MYO15B: variants seen among roughly 807,000 people sequenced by gnomAD.
The protein encoded by MYO15B is myosin XVB pseudogene.
Under a neutral mutation model 119.3 loss-of-function variants are expected in MYO15B, and 207 were observed. The observed-to-expected ratio is 1.73, with a 90% CI of 1.55 to 1.95. The LOEUF (loss-of-function observed/expected upper bound fraction) is 1.95, where lower values mean the gene tolerates loss of function less well. Among genes scored for constraint, MYO15B ranks in the 30% most tolerant of loss-of-function variants. The pLI is 0.00. For missense variants in MYO15B, 2,264 were observed against 1,203.1 expected (o/e 1.88, Z -13.04); for synonymous variants, 966 against 498.9 (o/e 1.94, Z -12.48).
exon 19 of MYO15B, chr17:75,603,214 T>C (rs1437484834): frequency 4.3e-6 from 3 of 702,934 alleles, no homozygotes; most frequent in Non-Finnish European, 7.8e-6. Flanking sequence ...ACGTGGGACA[T>C]GTGACAGAGC....
intron 33 of MYO15B, 87 bp downstream of exon 33, chr17:75,615,129 C>T (rs867769604): frequency 3.7e-5 from 25 of 677,942 alleles, no homozygotes; most frequent in Middle Eastern, 2.3e-4. Flanking sequence ...CAGTGGCGAT[C>T]GATGCCCTGG....
chr17:75,602,905 T>C (rs1215711094), exon 17 of MYO15B: 3 of 689,250 alleles, frequency 4.4e-6, no homozygotes, highest in Non-Finnish European at 7.9e-6. Context: ...GGCCTCTCGC[T>C]TCCAGCAGGC....
Position 75,591,260 on chromosome 17 carries a change from T to C in MYO15B, c.2435+14T>C. 1.4e-6 allele frequency: 1 copy of C among 702,580 alleles called. No homozygotes were observed. 43.5% of individuals were successfully genotyped at this position (702,580 alleles called of 1,614,324 possible). On this transcript the variant is annotated intron_variant, in intron 4 of 63. Coordinates refer to ENST00000645453, the Ensembl canonical transcript of MYO15B. ...CATCCTCCTGTGGTGAGTGGTGGCC[T>C]TCCTGGGTGGCTGAACCCATGGGCC...
chr17:75,606,763 G>A (rs192708494), intron 21 of MYO15B, among the ~76,000 whole-genome samples: 36 of 151,524 alleles, frequency 2.4e-4, no homozygotes, highest in Middle Eastern at 3.4e-3. Flanking sequence ...GTGAGCCACC[G>A]TGCCCAGCTA....
intron 48 of MYO15B, 48 bp from the exon 49 acceptor site, chr17:75,620,418 CG>C: frequency 2.8e-6 from 2 of 702,544 alleles, no homozygotes; most frequent in Non-Finnish European, 5.2e-6. Flanking sequence ...AGAGGCTGCC[CG>C]GGGGCAGAGG....
chr17:75,622,457 G>A (rs1383044532), intron 53 of MYO15B, among the ~76,000 whole-genome samples: 4 of 152,178 alleles, frequency 2.6e-5, no homozygotes, highest in East Asian at 1.9e-4. Flanking sequence ...CGGGACCAGC[G>A]TGGCTGAGCC....
exon 64 of MYO15B, chr17:75,626,498 C>T (rs779339357): frequency 3.4e-5 from 24 of 702,970 alleles, no homozygotes; most frequent in African/African-American, 1.2e-4. Flanking sequence ...GAGTGCAGGC[C>T]GGGGAGAGAA....
At chr17:75,607,240 C>T (rs945561416) in intron 21 of MYO15B, 4 of 343,270 alleles carry the variant, frequency 1.2e-5, no homozygotes, top group Non-Finnish European at 2.1e-5. Context: ...CCAAGACCCC[C>T]AGCCCCTGGT....
At chr17:75,601,453 T>C in exon 15 of MYO15B, 3 of 703,048 alleles carry the variant, frequency 4.3e-6, no homozygotes, top group Non-Finnish European at 7.8e-6. Flanking sequence ...GGACCACACC[T>C]TCCTCCAGAA....
chr17:75,625,854 C>T, exon 62 of MYO15B: 1 of 702,914 alleles, frequency 1.4e-6, no homozygotes, highest in South Asian at 1.5e-5. Flanking sequence ...AGGCCATGAG[C>T]CAGCTGCCCC....
chr17:75,596,764 C>T lies in MYO15B; in HGVS notation c.3394-4C>T. On this transcript the variant is annotated splice_region_variant and splice_polypyrimidine_tract_variant and intron_variant, in intron 13 of 63. Transcript: ENST00000645453. ...CAAAATGGCCAAATGCCGGCTGTTC[C>T]CAGGAGGAGTGTCGGCGGGAGTTGC... 1 of 698,016 alleles carries T rather than the reference C, an allele frequency of 1.4e-6. No homozygotes were observed. The highest frequency in any genetic ancestry group is 2.6e-6 in the Non-Finnish European group (1 of 382,436). 43.2% of individuals were successfully genotyped at this position (698,016 alleles called of 1,614,324 possible).
intron 14 of MYO15B, among the ~76,000 whole-genome samples, chr17:75,597,903 G>A (rs1303887423): frequency 5.3e-5 from 8 of 150,704 alleles, no homozygotes; most frequent in East Asian, 2.0e-4. Context: ...GTGACAGAGT[G>A]AGAAGTTGTT....
rs1340573246 is a variant in MYO15B at position 75,589,712 on chromosome 17, G to A, written c.1655G>A (p.Arg552Lys). 7 of 398,702 alleles carry A rather than the reference G, an allele frequency of 1.8e-5. No individual in the cohort carries two copies. Among genetic ancestry groups the A allele is most frequent in the Middle Eastern group, 6.2e-4 (1 of 1,612 alleles). 24.7% of individuals were successfully genotyped at this position (398,702 alleles called of 1,614,324 possible). Residue 552 changes from arginine (R) to lysine (K), a missense_variant, in exon 1 of 64, where the codon AGG becomes AAG. Coordinates refer to ENST00000645453, the Ensembl canonical transcript of MYO15B. The surrounding 1 kb of genome is among the most constrained non-coding windows in gnomAD (Gnocchi z 4.2). ...GCGGTCGTGTTCCCCAGGATCCACA[G>A]GGCAGGGCGGGCGTCGAGCAGCCGC...
At chr17:75,614,262 C>T (rs1437945680) in exon 30 of MYO15B, 3 of 702,850 alleles carry the variant, frequency 4.3e-6, no homozygotes, top group Non-Finnish European at 5.2e-6. Flanking sequence ...CATGGCAGGA[C>T]TTGGCTGGCT....
At chr17:75,598,540 A>AAAAAAAAAAAAAAAAG (rs1568134655) in intron 14 of MYO15B, among the ~76,000 whole-genome samples, 4 of 142,962 alleles carry the variant, frequency 2.8e-5, no homozygotes, top group South Asian at 2.2e-4. Flanking sequence ...AAAAAAAAAA[A>AAAAAAAAAAAAAAAAG]AAAAAAGAAA....
Position 75,617,856 on chromosome 17 carries a change from C to T in MYO15B, c.6861C>T (p.Leu2287=), listed in dbSNP as rs3743994. Residue 2287 remains leucine, a synonymous_variant, in exon 42 of 64, where the codon CTC becomes CTT. Transcript: ENST00000645453. ...ACCAGGGGGTCTCCACCCAGCTACT[C>T]GCGCCCTCTGGCAGCGTGTGCTTCT... The T allele has an allele frequency of 5.1e-4, 360 of 702,958 alleles. 2 individuals are homozygous for T. In the East Asian group the frequency reaches 8.2e-3, roughly 16 times the overall value. 43.5% of individuals were successfully genotyped at this position (702,958 alleles called of 1,614,324 possible). A position where few individuals can be genotyped will look rare whatever the true frequency, so the allele number is the denominator to read the frequency against.
chr17:75,625,642 G>A (rs747415787), exon 61 of MYO15B: 4 of 702,950 alleles, frequency 5.7e-6, no homozygotes, highest in Admixed American at 2.0e-5. Context: ...CCCCCAGGAA[G>A]CACAGATCAG....
intron 57 of MYO15B, 30 bp downstream of exon 57, chr17:75,624,477 C>T (rs1568235421): frequency 2.8e-6 from 2 of 703,008 alleles, no homozygotes; most frequent in Non-Finnish European, 5.2e-6. Flanking sequence ...AGGGAGGAGG[C>T]CTTGGGCATC....
intron 9 of MYO15B, 54 bp downstream of exon 9, chr17:75,592,894 G>A (rs1236919380): frequency 1.0e-5 from 7 of 677,726 alleles, no homozygotes; most frequent in Non-Finnish European, 1.9e-5. Flanking sequence ...GTAGAATCAG[G>A]GCAGTGGTAA....
Sources: allele counts gnomAD v4.1 joint callset (sites outside exome capture counted in the v4.1 genomes callset), GRCh38; gene constraint gnomAD v4.1.1; non-coding constraint Gnocchi (gnomAD v3.1); transcripts MANE v1.5; gene names NCBI Gene and HGNC (gene_info 2026-07-23, HGNC 2026-07-21).